EPG5: variants seen among roughly 807,000 people sequenced by gnomAD.
The protein encoded by EPG5 is ectopic P-granules 5 autophagy tethering factor.
EPG5 carries 159 observed loss-of-function variants against 302.7 expected under a neutral mutation model. That is an observed-to-expected ratio of 0.53 (90% confidence interval 0.46 to 0.60). EPG5 has a LOEUF of 0.60. Ranked by LOEUF, EPG5 falls within the 20% of genes least tolerant of loss-of-function variation. The probability of loss-of-function intolerance (pLI) is 0.00; values close to 1 mark genes in which losing one functional copy is unlikely to be tolerated. For synonymous variants in EPG5, 1,158 were observed against 1,136.8 expected (o/e 1.02, Z -0.37); for missense variants, 2,896 against 3,092.4 (o/e 0.94, Z 1.51).
At chr18:45,870,102 G>A (rs149207978) in intron 36 of EPG5, among the ~76,000 whole-genome samples, 60 of 151,890 alleles carry the variant, frequency 4.0e-4, no homozygotes, top group African/African-American at 1.1e-3. Context: ...ATGCATCATC[G>A]GTTGTCACAA....
At position 45,954,771 on chromosome 18, in the gene EPG5, T is replaced by C. The variant is rs1187307540; in HGVS notation, c.631A>G (p.Arg211Gly). 1.2e-6 allele frequency: 2 copies of C among 1,613,956 alleles called. No homozygotes were observed. The highest frequency in any genetic ancestry group is 1.1e-5 in the South Asian group (1 of 91,028). ...CPAKHGFQTP[R>G]VKKLYPQLPA... is the part of the protein sequence containing the mutation. ...AACTGGGGATACAGTTTCTTCACTCTAGGTGTCTGAAAACCATGTTTGGCT... is the reference window on the plus strand; with the variant it reads ...AACTGGGGATACAGTTTCTTCACTCCAGGTGTCTGAAAACCATGTTTGGCT... The change falls in exon 2 of 44, where the codon AGA (arginine) becomes GGA (glycine). Residue 211 changes from arginine to glycine, a missense_variant. Physicochemically the swap from Arg to Gly is moderately radical, Grantham distance 125. Coordinates refer to ENST00000282041, the MANE Select transcript of EPG5 (RefSeq NM_020964.3).
chr18:45,831,759 C>T, the EPG5 span, among the ~76,000 whole-genome samples: 16 of 111,712 alleles, frequency 1.4e-4, no homozygotes, highest in East Asian at 2.5e-3. Flanking sequence ...TTTTTTTTGG[C>T]GGAGTTTCAC....
At chr18:45,803,245 G>C in the EPG5 span, among the ~76,000 whole-genome samples, 1 of 152,322 alleles carries the variant, frequency 6.6e-6, no homozygotes, top group African/African-American at 2.4e-5. Context: ...GTACAACTCA[G>C]TGGCTAGGAA....
At chr18:45,894,614 G>C (rs760978840) in intron 27 of EPG5, among the ~76,000 whole-genome samples, 1 of 152,136 alleles carries the variant, frequency 6.6e-6, no homozygotes, top group Non-Finnish European at 1.5e-5. Flanking sequence ...GCAAGAGTCC[G>C]CAAAGACTTC....
At chr18:45,949,977 A>T (rs57351796) in intron 4 of EPG5, among the ~76,000 whole-genome samples, 18,398 of 152,200 alleles carry the variant, frequency 0.12, 1,537 homozygotes, top group African/African-American at 0.24. Flanking sequence ...AAAAAGAGCA[A>T]CCAAGGCAGC....
the EPG5 span, among the ~76,000 whole-genome samples, chr18:45,806,620 C>CTAA: frequency 6.6e-6 from 1 of 150,774 alleles, no homozygotes; most frequent in African/African-American, 2.4e-5. Context: ...CAGGAGAAGA[C>CTAA]TAATACAGGA....
rs11334955 is a variant in EPG5, at chr18:45,870,788, T to TA, written c.6050-47dup. On this transcript the variant is annotated intron_variant, in intron 35 of 43. Coordinates refer to ENST00000282041, the MANE Select transcript of EPG5 (RefSeq NM_020964.3). ...AGAGCTGAAGACCTTTGGTTTACCTTAAAAAAAAAAAAAAAAAGCAAATTT... is the reference window on the plus strand; with the variant it reads ...AGAGCTGAAGACCTTTGGTTTACCTTAAAAAAAAAAAAAAAAAAGCAAATTT... The TA allele has an allele frequency of 0.02, 19,162 of 960,624 alleles. 128 individuals are homozygous for TA. The highest frequency in any genetic ancestry group is 0.079 in the African/African-American group (4,435 of 55,940). 59.5% of individuals were successfully genotyped at this position (960,624 alleles called of 1,614,324 possible). A position where few individuals can be genotyped will look rare whatever the true frequency, so the allele number is the denominator to read the frequency against.
intron 24 of EPG5, among the ~76,000 whole-genome samples, chr18:45,905,843 C>G (rs1323556209): frequency 6.6e-6 from 1 of 152,158 alleles, no homozygotes. Flanking sequence ...TGACCAAGTA[C>G]CTACCATGTA....
At chr18:45,879,704 A>G (rs2049049805) in intron 32 of EPG5, among the ~76,000 whole-genome samples, 1 of 152,174 alleles carries the variant, frequency 6.6e-6, no homozygotes, top group Non-Finnish European at 1.5e-5. Context: ...AATCAGTGGA[A>G]CCATTATTTC....
At chr18:45,894,970 G>A (rs1185454514) in intron 27 of EPG5, among the ~76,000 whole-genome samples, 1 of 152,144 alleles carries the variant, frequency 6.6e-6, no homozygotes, top group African/African-American at 2.4e-5. Flanking sequence ...GACTAGGCAG[G>A]GAGAGAGATA....
At chr18:45,903,951 G>A in intron 25 of EPG5, 22 bp downstream of exon 25, 3 of 1,589,798 alleles carry the variant, frequency 1.9e-6, no homozygotes, top group Non-Finnish European at 2.6e-6. Flanking sequence ...CATTCGAAGG[G>A]GCAGGTGCTC....
At chr18:45,876,151 A>AT in intron 35 of EPG5, 85 bp downstream of exon 35, 1 of 898,018 alleles carries the variant, frequency 1.1e-6, no homozygotes, top group Admixed American at 2.3e-5. Context: ...TTAAATAAAA[A>AT]TTAAATAGAG....
At chr18:45,883,461 CTTT>C (rs61461493) in intron 30 of EPG5, among the ~76,000 whole-genome samples, 3 of 132,520 alleles carry the variant, frequency 2.3e-5, no homozygotes, top group Admixed American at 7.8e-5. Flanking sequence ...TCAAGGTTGT[CTTT>C]TTTTTTTTTT....
At chr18:45,908,211 A>C in intron 23 of EPG5, 130 bp from the exon 24 acceptor site, 1 of 664,176 alleles carries the variant, frequency 1.5e-6, no homozygotes, top group Non-Finnish European at 2.3e-6. Context: ...AAATGTGGCC[A>C]ACAACCACCA....
chr18:45,832,917 G>A, the EPG5 span, among the ~76,000 whole-genome samples: 3 of 152,176 alleles, frequency 2.0e-5, no homozygotes, highest in Middle Eastern at 3.4e-3. Flanking sequence ...TGTGTAAGCG[G>A]GAGTCCAAGT....
At chr18:45,902,877 G>A (rs1934285015) in intron 25 of EPG5, among the ~76,000 whole-genome samples, 1 of 152,162 alleles carries the variant, frequency 6.6e-6, no homozygotes, top group Admixed American at 6.6e-5. Flanking sequence ...TTACAAATTG[G>A]GTTTCTTATC....
intron 11 of EPG5, among the ~76,000 whole-genome samples, chr18:45,934,352 C>G (rs1245506810): frequency 6.6e-6 from 1 of 152,044 alleles, no homozygotes; most frequent in African/African-American, 2.4e-5. Context: ...GACGCAAAAA[C>G]TTAAGTTTTC....
chr18:45,959,392 A>C lies in EPG5; in HGVS notation c.64-4054T>G, dbSNP rs538609012. Among the ~76,000 whole-genome samples, 5 of 152,124 alleles carry C rather than the reference A, an allele frequency of 3.3e-5. No homozygotes were observed. The East Asian group carries it at 9.7e-4, about 29-fold the overall frequency. ...CAGGCATGGGCGGCTCACACCTGTA[A>C]TCCCAGCACTTTGGAAGGCTGAGGC... On this transcript the variant is annotated intron_variant, in intron 1 of 43. Transcript: ENST00000282041.
chr18:45,918,675 T>C (rs768876037), intron 16 of EPG5, among the ~76,000 whole-genome samples: 9 of 152,230 alleles, frequency 5.9e-5, no homozygotes, highest in African/African-American at 2.2e-4. Context: ...ATCCTTTCAA[T>C]TGGAAATATT....
Sources: gnomAD v4.1 joint callset for allele counts (sites outside exome capture counted in the v4.1 genomes callset) on GRCh38, gnomAD v4.1.1 for gene constraint, MANE v1.5 for transcripts, NCBI Gene and HGNC (gene_info 2026-07-23, HGNC 2026-07-21) for gene names.